The following MAP2K5 variants were observed in gnomAD, a reference collection of about 807,000 sequenced individuals.
MAP2K5 encodes dual specificity mitogen-activated protein kinase kinase 5.
Under a neutral mutation model 83.1 loss-of-function variants are expected in MAP2K5, and 49 were observed. The observed-to-expected ratio is 0.59, with a 90% CI of 0.47 to 0.75. MAP2K5 has a LOEUF of 0.75. MAP2K5 is among the 30% of genes least tolerant of loss of function. The pLI, the probability that MAP2K5 is intolerant of heterozygous loss-of-function variation, is 0.00. For missense variants in MAP2K5, 457 were observed against 557.5 expected (o/e 0.82, Z 1.82); for synonymous variants, 202 against 191.8 (o/e 1.05, Z -0.44).
intron 9 of MAP2K5, among the ~76,000 whole-genome samples, chr15:67,643,695 C>T (rs2086769517): frequency 6.6e-6 from 1 of 152,146 alleles, no homozygotes; most frequent in Non-Finnish European, 1.5e-5. Context: ...ATCTGCCCGC[C>T]TCAGCCTCCT....
At chr15:67,544,088 C>T (rs1283306170) in intron 1 of MAP2K5, among the ~76,000 whole-genome samples, 2 of 152,164 alleles carry the variant, frequency 1.3e-5, no homozygotes, top group African/African-American at 2.4e-5. Context: ...CTTGTAGAGA[C>T]GAGGTATTGC....
chr15:67,724,748 G>A lies in MAP2K5; in HGVS notation c.1045-3168G>A, dbSNP rs140228745. 2.4e-3 allele frequency among the ~76,000 whole-genome samples: 371 copies of A among 152,304 alleles called. No individual in the cohort carries two copies. Among genetic ancestry groups the A allele is most frequent in the Non-Finnish European group, 2.8e-3 (189 of 68,026 alleles). On this transcript the variant is annotated intron_variant, in intron 16 of 21. Coordinates refer to ENST00000178640, the MANE Select transcript of MAP2K5 (RefSeq NM_145160.3). This position sits in a 1 kb window ranked among gnomAD's most constrained non-coding sequence, Gnocchi z 4.4. ...GCTGCATTAGACCTAGAGGGATAGAGGCATACATAGAAGGCAGCGGTCCTC... is the reference window on the plus strand; with the variant it reads ...GCTGCATTAGACCTAGAGGGATAGAAGCATACATAGAAGGCAGCGGTCCTC...
At chr15:67,725,340 C>A (rs1347575801) in intron 16 of MAP2K5, among the ~76,000 whole-genome samples, 1 of 152,226 alleles carries the variant, frequency 6.6e-6, no homozygotes, top group Non-Finnish European at 1.5e-5. Flanking sequence ...CCACTTGCAA[C>A]CGGAAGCTTT....
rs150782913 is a variant in MAP2K5 at position 67,650,680 on chromosome 15, C to T, written c.736+4211C>T. Among the ~76,000 whole-genome samples the T allele has an allele frequency of 2.6e-4, 40 of 151,962 alleles. No homozygotes were observed. The East Asian group carries it at 2.9e-3, about 11-fold the overall frequency. ...CCAGTCTTGCAGTGTTGGAATTATT[C>T]CACTTAGTCATGATGTGTAATTCTT... is the stretch of plus-strand genomic sequence containing the variant. On this transcript the variant is annotated intron_variant, in intron 11 of 21. Coordinates refer to ENST00000178640, the MANE Select transcript of MAP2K5 (RefSeq NM_145160.3).
At chr15:67,611,055 T>A (rs926761816) in intron 8 of MAP2K5, among the ~76,000 whole-genome samples, 1 of 152,236 alleles carries the variant, frequency 6.6e-6, no homozygotes, top group African/African-American at 2.4e-5. Flanking sequence ...TTGGAAGATA[T>A]GTATTGTGTG....
chr15:67,787,626 T>A (rs1273253146), intron 21 of MAP2K5, among the ~76,000 whole-genome samples: 1 of 152,224 alleles, frequency 6.6e-6, no homozygotes, highest in Non-Finnish European at 1.5e-5. Flanking sequence ...CATAAATTAA[T>A]CTTAGATTAA....
intron 17 of MAP2K5, among the ~76,000 whole-genome samples, chr15:67,745,777 C>T (rs570042184): frequency 3.3e-5 from 5 of 152,234 alleles, no homozygotes; most frequent in African/African-American, 1.2e-4. Flanking sequence ...GAAAATGAAT[C>T]AATTACAATG....
intron 3 of MAP2K5, among the ~76,000 whole-genome samples, chr15:67,579,669 A>G (rs889277990): frequency 6.6e-6 from 1 of 151,756 alleles, no homozygotes; most frequent in Non-Finnish European, 1.5e-5. Flanking sequence ...ATGATGTGGC[A>G]TTTTATAGCT....
chr15:67,713,158 T>G (rs2088738213), intron 16 of MAP2K5, among the ~76,000 whole-genome samples: 1 of 152,138 alleles, frequency 6.6e-6, no homozygotes, highest in Non-Finnish European at 1.5e-5. Flanking sequence ...CCAAATGACA[T>G]ATGGCAGTGT....
rs888808857 is a variant in MAP2K5, at chr15:67,572,270, C to G, written c.253-8484C>G. Among the ~76,000 whole-genome samples the G allele has an allele frequency of 3.9e-5, 6 of 151,978 alleles. No homozygotes were observed. Among genetic ancestry groups the G allele is most frequent in the Admixed American group, 3.9e-4 (6 of 15,258 alleles). On this transcript the variant is annotated intron_variant, in intron 3 of 21. Coordinates refer to ENST00000178640, the MANE Select transcript of MAP2K5 (RefSeq NM_145160.3). This position sits in a 1 kb window ranked among gnomAD's most constrained non-coding sequence, Gnocchi z 4.2. ...ACGGGGGAGAGGGTGGGAGATGGGG[C>G]TTGGAGGAAGGTGGGTTAGACCATG... is the stretch of plus-strand genomic sequence containing the variant.
At chr15:67,659,044 A>G (rs974599468) in intron 12 of MAP2K5, 46 of 245,142 alleles carry the variant, frequency 1.9e-4, no homozygotes, top group South Asian at 1.0e-3. Context: ...GATTTTTTGC[A>G]GTCTTTTTAT....
chr15:67,752,880 T>G (rs2089753346), intron 19 of MAP2K5, among the ~76,000 whole-genome samples: 1 of 129,306 alleles, frequency 7.7e-6, no homozygotes, highest in African/African-American at 2.9e-5. Flanking sequence ...GGACTCAGAA[T>G]AGCCAAAACA....
At chr15:67,723,353 A>G (rs771026945) in intron 16 of MAP2K5, among the ~76,000 whole-genome samples, 3 of 152,208 alleles carry the variant, frequency 2.0e-5, no homozygotes, top group Non-Finnish European at 4.4e-5. Context: ...ACTGAAGAGC[A>G]TTTTATAGAT....
intron 13 of MAP2K5, among the ~76,000 whole-genome samples, chr15:67,669,604 A>T (rs941736643): frequency 6.6e-6 from 1 of 152,138 alleles, no homozygotes; most frequent in African/African-American, 2.4e-5. Flanking sequence ...AGGGGCCCAG[A>T]TCAGGGAGAT....
intron 3 of MAP2K5, among the ~76,000 whole-genome samples, chr15:67,570,020 A>G (rs192142623): frequency 1.8e-4 from 28 of 152,384 alleles, no homozygotes; most frequent in African/African-American, 6.7e-4. Flanking sequence ...CAGTGTGGAC[A>G]CTACCCCAAG....
intron 21 of MAP2K5, among the ~76,000 whole-genome samples, chr15:67,795,078 ACT>A (rs2090582647): frequency 6.6e-6 from 1 of 152,028 alleles, no homozygotes; most frequent in African/African-American, 2.4e-5. Context: ...GTGAGTCGTC[ACT>A]CTCAGCATTT....
chr15:67,705,314 ACACTCAAGT>A (rs2088523371), intron 16 of MAP2K5, among the ~76,000 whole-genome samples: 1 of 152,224 alleles, frequency 6.6e-6, no homozygotes, highest in Non-Finnish European at 1.5e-5. Context: ...TAAGGAAAAG[ACACTCAAGT>A]CTTGGCTGTC....
intron 16 of MAP2K5, among the ~76,000 whole-genome samples, chr15:67,705,684 C>T (rs1303221627): frequency 6.6e-6 from 1 of 151,720 alleles, no homozygotes; most frequent in Non-Finnish European, 1.5e-5. Flanking sequence ...TGTGGTGAGC[C>T]AAGATCGTGC....
chr15:67,600,590 C>T (rs1456670089), intron 7 of MAP2K5, 95 bp from the exon 8 acceptor site: 4 of 890,914 alleles, frequency 4.5e-6, no homozygotes, highest in Non-Finnish European at 7.1e-6. Context: ...TGAAATGACC[C>T]AGACTGCTTG....
Sources: allele counts gnomAD v4.1 joint callset (sites outside exome capture counted in the v4.1 genomes callset), GRCh38; gene constraint gnomAD v4.1.1; non-coding constraint Gnocchi (gnomAD v3.1); transcripts MANE v1.5; gene names NCBI Gene and HGNC (gene_info 2026-07-23, HGNC 2026-07-21).